Variants in NR3C2 observed in about 807,000 individuals in gnomAD.
NR3C2 encodes mineralocorticoid receptor.
A neutral mutation model predicts 86.4 loss-of-function variants in NR3C2; 15 were observed. The ratio of observed to expected loss-of-function variants is 0.17; its 90% CI spans 0.12 to 0.27. The LOEUF is 0.27. NR3C2 is among the 10% of genes least tolerant of loss of function. NR3C2 has a pLI of 1.00. For synonymous variants in NR3C2, 458 were observed against 450.5 expected (o/e 1.02, Z -0.21); for missense variants, 960 against 1,195.6 (o/e 0.80, Z 2.91).
rs1744613045 is a variant in NR3C2 at position 148,338,794 on chromosome 4, C to G, written c.1758-78677G>C. Among the ~76,000 whole-genome samples the G allele has an allele frequency of 2.0e-5, 3 of 152,088 alleles. No individual in the cohort carries two copies. The South Asian group carries it at 6.2e-4, about 32-fold the overall frequency. ...TCCATCCTCCCAATAACAGAAATAA[C>G]TTGGTTCTAAAAGTTAGGAATTAAT... On this transcript the variant is annotated intron_variant, in intron 2 of 8. Transcript: ENST00000358102.
At chr4:148,382,817 C>T (rs557113881) in intron 2 of NR3C2, among the ~76,000 whole-genome samples, 15 of 152,048 alleles carry the variant, frequency 9.9e-5, no homozygotes, top group Non-Finnish European at 1.9e-4. Flanking sequence ...GTAAAAGTCA[C>T]TTTGAGTAAT....
chr4:148,291,316 A>T (rs929143289), intron 2 of NR3C2, among the ~76,000 whole-genome samples: 1 of 152,076 alleles, frequency 6.6e-6, no homozygotes, highest in Non-Finnish European at 1.5e-5. Flanking sequence ...TTTGCTATAT[A>T]AGGGAACAAA....
intron 8 of NR3C2, among the ~76,000 whole-genome samples, chr4:148,092,076 A>G (rs1004719070): frequency 2.0e-5 from 3 of 152,116 alleles, no homozygotes; most frequent in African/African-American, 7.2e-5. Context: ...TGCCCCAGCA[A>G]TTTCCTCAGA....
At chr4:148,438,644 A>G (rs1196046518) in intron 1 of NR3C2, among the ~76,000 whole-genome samples, 1 of 152,098 alleles carries the variant, frequency 6.6e-6, no homozygotes, top group Non-Finnish European at 1.5e-5. Flanking sequence ...TTGTTACAGA[A>G]TATGTATTAA....
At chr4:148,130,765 G>C (rs1422354417) in intron 6 of NR3C2, among the ~76,000 whole-genome samples, 1 of 150,474 alleles carries the variant, frequency 6.6e-6, no homozygotes, top group Non-Finnish European at 1.5e-5. Flanking sequence ...GGAATCTCAA[G>C]AGGAGGCCTC....
intron 8 of NR3C2, among the ~76,000 whole-genome samples, chr4:148,091,559 A>T (rs1731062459): frequency 6.6e-6 from 1 of 152,218 alleles, no homozygotes; most frequent in Admixed American, 6.5e-5. Context: ...GTCAGCATGG[A>T]TACTGACCAG....
chr4:148,322,929 C>T (rs1172275061), intron 2 of NR3C2, among the ~76,000 whole-genome samples: 67 of 145,404 alleles, frequency 4.6e-4, no homozygotes, highest in Non-Finnish European at 7.5e-4. Flanking sequence ...TGAGGAACTG[C>T]GTTCCTTTGG....
At chr4:148,219,302 A>G (rs1331280508) in intron 3 of NR3C2, among the ~76,000 whole-genome samples, 5 of 152,152 alleles carry the variant, frequency 3.3e-5, no homozygotes, top group Admixed American at 2.6e-4. Flanking sequence ...CAAATCTTTT[A>G]TCTAAAAGAG....
intron 2 of NR3C2, among the ~76,000 whole-genome samples, chr4:148,312,534 A>G (rs1180873944): frequency 6.6e-6 from 1 of 152,222 alleles, no homozygotes; most frequent in African/African-American, 2.4e-5. Context: ...CCTAGCTTCT[A>G]GTACAGTATC....
chr4:148,197,393 A>G (rs1294460534), intron 3 of NR3C2, among the ~76,000 whole-genome samples: 1 of 152,234 alleles, frequency 6.6e-6, no homozygotes, highest in East Asian at 1.9e-4. Flanking sequence ...ATTTGTTTTA[A>G]TTCAATAAGT....
rs1451928495 is a variant in NR3C2 at position 148,435,717 on chromosome 4, T to C, written c.1144A>G (p.Ser382Gly). ...CCAGTCACACCATTTGAGATGGCAC[T>C]CTCTACTTCCTCAGTCTTAGGAAAA... ...VPFPKTEEVE[S>G]AISNGVTGQL... is the part of the protein sequence containing the mutation. Residue 382 changes from serine (S) to glycine (G), a missense_variant, in exon 2 of 9, where the codon AGT becomes GGT. Coordinates refer to ENST00000358102, the MANE Select transcript of NR3C2 (RefSeq NM_000901.5). The C allele has an allele frequency of 6.2e-7, 1 of 1,614,080 alleles. No individual in the cohort carries two copies.
intron 4 of NR3C2, among the ~76,000 whole-genome samples, chr4:148,169,827 T>C (rs1157861651): frequency 6.6e-6 from 1 of 152,242 alleles, no homozygotes; most frequent in East Asian, 1.9e-4. Context: ...AAAGTACACA[T>C]GGCAGAGTAT....
intron 7 of NR3C2, among the ~76,000 whole-genome samples, chr4:148,115,105 A>C (rs1355755275): frequency 1.3e-5 from 2 of 152,236 alleles, no homozygotes; most frequent in Non-Finnish European, 2.9e-5. Context: ...AAGAGAATGA[A>C]CCATGTTCAT....
At chr4:148,444,432 C>G, upstream of NR3C2, 1 of 986,576 alleles carries the variant, frequency 1.0e-6, no homozygotes, top group Non-Finnish European at 1.2e-6. Flanking sequence ...GCCCTCTGCC[C>G]TGGGCGCGCA....
intron 3 of NR3C2, among the ~76,000 whole-genome samples, chr4:148,213,073 T>A (rs1453868051): frequency 1.3e-5 from 2 of 151,156 alleles, no homozygotes; most frequent in East Asian, 3.9e-4. Context: ...TCATCTTTCA[T>A]CTGAACCTTA....
chr4:148,289,274 A>C (rs1579111202), intron 2 of NR3C2, among the ~76,000 whole-genome samples: 1 of 1,442 alleles, frequency 6.9e-4, no homozygotes, highest in Non-Finnish European at 9.3e-3. Context: ...ATTTACAGCC[A>C]AAAAAAAAAA....
chr4:148,175,935 C>A lies in NR3C2; in HGVS notation c.2014+18811G>T, dbSNP rs112510557. Among the ~76,000 whole-genome samples, 5 of 152,296 alleles carry A rather than the reference C, an allele frequency of 3.3e-5. No individual in the cohort carries two copies. The South Asian group carries it at 8.3e-4, about 25-fold the overall frequency. ...CACTTGAGCCCAGGAGCTAAGACTGCACCACTGCACTACAGCCTAAGCGAC... is the reference window on the plus strand; with the variant it reads ...CACTTGAGCCCAGGAGCTAAGACTGAACCACTGCACTACAGCCTAAGCGAC... On this transcript the variant is annotated intron_variant, in intron 4 of 8. Transcript: ENST00000358102.
chr4:148,368,553 T>G (rs543620377), intron 2 of NR3C2: 1 of 152,288 alleles, frequency 6.6e-6, no homozygotes, highest in Admixed American at 6.5e-5. Context: ...GGTACTTTCA[T>G]ATATACAATC....
intron 2 of NR3C2, among the ~76,000 whole-genome samples, chr4:148,337,297 A>G (rs914623879): frequency 6.6e-6 from 1 of 152,222 alleles, no homozygotes; most frequent in Admixed American, 6.5e-5. Flanking sequence ...TACAATAAGG[A>G]TATCTTACTT....
Sources: gnomAD v4.1 joint callset for allele counts (sites outside exome capture counted in the v4.1 genomes callset) on GRCh38, gnomAD v4.1.1 for gene constraint, MANE v1.5 for transcripts, NCBI Gene and HGNC (gene_info 2026-07-23, HGNC 2026-07-21) for gene names.